Variants in HADHA observed in about 807,000 individuals in gnomAD.
HADHA encodes the protein trifunctional enzyme subunit alpha, mitochondrial.
Under a neutral mutation model 91.3 loss-of-function variants are expected in HADHA, and 59 were observed. That is an observed-to-expected ratio of 0.65 (90% CI 0.52 to 0.80). HADHA has a LOEUF of 0.80. Among genes scored for constraint, HADHA ranks in the 30% least tolerant of loss-of-function variants. The pLI, the probability that HADHA is intolerant of heterozygous loss-of-function variation, is 0.00. For synonymous variants in HADHA, 320 were observed against 338.9 expected (o/e 0.94, Z 0.61); for missense variants, 800 against 927.6 (o/e 0.86, Z 1.79).
intron 16 of HADHA, 135 bp from the exon 17 acceptor site, chr2:26,193,907 T>TCA: frequency 1.4e-6 from 1 of 693,802 alleles, no homozygotes; most frequent in Non-Finnish European, 2.5e-6. Context: ...CCAGGACTGG[T>TCA]GCTATTTCAT....
At position 26,230,979 on chromosome 2, in the gene HADHA, T is replaced by C. The variant is rs143306848; in HGVS notation, c.574-685A>G. 2.8e-3 allele frequency among the ~76,000 whole-genome samples: 427 copies of C among 152,142 alleles called. 3 individuals carry two copies. Among genetic ancestry groups the C allele is most frequent in the African/African-American group, 9.9e-3 (411 of 41,506 alleles). On this transcript the variant is annotated intron_variant, in intron 6 of 19. Transcript: ENST00000380649. ...CTAGAGAAGACTGTGAGAAACCTGATAGTTTTGACAAAGTCTTTAAAAAGA... is the reference window on the plus strand; with the variant it reads ...CTAGAGAAGACTGTGAGAAACCTGACAGTTTTGACAAAGTCTTTAAAAAGA...
At chr2:26,195,497 A>C (rs1669643246) in intron 14 of HADHA, among the ~76,000 whole-genome samples, 1 of 151,724 alleles carries the variant, frequency 6.6e-6, no homozygotes, top group Non-Finnish European at 1.5e-5. Context: ...TGCCAAAACC[A>C]CAGCTCGAGG....
At chr2:26,225,657 CT>C (rs1352640249) in intron 7 of HADHA, among the ~76,000 whole-genome samples, 1 of 152,124 alleles carries the variant, frequency 6.6e-6, no homozygotes, top group African/African-American at 2.4e-5. Flanking sequence ...ACAATTATCT[CT>C]GTAGATGGAG....
chr2:26,194,768 A>G, intron 15 of HADHA, 130 bp from the exon 16 acceptor site: 1 of 740,520 alleles, frequency 1.4e-6, no homozygotes, highest in African/African-American at 1.7e-5. Context: ...TTAAAATCTC[A>G]ATCAGAATCC....
rs1670086949 is a variant in HADHA, at chr2:26,210,989, CTTT to C, written c.976-1103_976-1101del. On this transcript the variant is annotated intron_variant, in intron 10 of 19. Transcript: ENST00000380649. The surrounding 1 kb of genome is among the most constrained non-coding windows in gnomAD (Gnocchi z 4.0). ...CAAAAGAATCCCTCTAATAAAGTTG[CTTT>C]CATGACCCAAAAGAACATAAAATGA... is the stretch of plus-strand genomic sequence containing the variant. Among the ~76,000 whole-genome samples the C allele has an allele frequency of 6.6e-6, 1 of 152,172 alleles. No individual in the cohort carries two copies. The highest frequency in any genetic ancestry group is 2.4e-5 in the African/African-American group (1 of 41,440).
chr2:26,232,674 T>C (rs1367826175), intron 5 of HADHA, among the ~76,000 whole-genome samples: 1 of 152,232 alleles, frequency 6.6e-6, no homozygotes, highest in African/African-American at 2.4e-5. Context: ...GAATTGTTTT[T>C]CCCTCCATAT....
chr2:26,201,186 A>C lies in HADHA; in HGVS notation c.1355T>G (p.Leu452Arg), dbSNP rs753085243. ...CTTTAGCACTCTGTGCTTAAGACTA[A>C]GGTCCTCAAACACAGCTTCAATCAC... ...DMVIEAVFED[L>R]SLKHRVLKEV... The change falls in exon 13 of 20, where the codon CTT becomes CGT. Residue 452 changes from leucine (L) to arginine (R), a missense_variant. Leu to Arg is a moderately radical substitution (Grantham distance 102). Transcript: ENST00000380649. The C allele has an allele frequency of 8.4e-5, 136 of 1,613,898 alleles. No homozygotes were observed. The highest frequency in any genetic ancestry group is 1.2e-4 in the Non-Finnish European group (136 of 1,179,732).
intron 6 of HADHA, among the ~76,000 whole-genome samples, chr2:26,230,766 C>T (rs1016618256): frequency 6.6e-6 from 1 of 151,736 alleles, no homozygotes; most frequent in Non-Finnish European, 1.5e-5. Context: ...ACTAAAAATA[C>T]AAAAAATTAG....
In HADHA at chr2:26,238,957, G is replaced by T. The variant is rs147103714; in HGVS notation, c.157C>A (p.Arg53=). 54 of 1,607,336 alleles carry T rather than the reference G, an allele frequency of 3.4e-5. No individual in the cohort carries two copies. The Middle Eastern group carries it at 5.8e-4, about 17-fold the overall frequency. ...YGVKGDVAVV[R]INSPNSKVNT... ...ACCTTTGAATTGGGAGAGTTAATTC[G>T]AACAACTGCCACATCCCCTTTGACT... The change falls in exon 3 of 20, where the codon CGA becomes AGA. Residue 53 remains arginine, a synonymous_variant. Transcript: ENST00000380649.
intron 5 of HADHA, 41 bp from the exon 6 acceptor site, chr2:26,232,320 A>G (rs1281757935): frequency 2.7e-6 from 4 of 1,488,870 alleles, no homozygotes; most frequent in Non-Finnish European, 1.9e-6. Flanking sequence ...TAGAAAATGT[A>G]ACTTAGTAGC....
Position 26,197,791 on chromosome 2 carries a change from G to A in HADHA, c.1393-14C>T. On this transcript the variant is annotated splice_polypyrimidine_tract_variant and intron_variant, in intron 13 of 19. Coordinates refer to ENST00000380649, the MANE Select transcript of HADHA (RefSeq NM_000182.5). ...ATCTGGAATCACCTGCAGGGGAAAA[G>A]CATTTAACAATGTGTCAGGTAGGCC... 1 of 1,305,364 alleles carries A rather than the reference G, an allele frequency of 7.7e-7. No homozygotes were observed. Among genetic ancestry groups the A allele is most frequent in the Non-Finnish European group, 1.1e-6 (1 of 897,672 alleles). 80.9% of individuals were successfully genotyped at this position (1,305,364 alleles called of 1,614,324 possible).
Position 26,227,814 on chromosome 2 carries a change from A to AT in HADHA, c.676+2377dup, listed in dbSNP as rs919436881. Among the ~76,000 whole-genome samples, 42 of 147,150 alleles carry AT rather than the reference A, an allele frequency of 2.9e-4. 1 individual carries two copies. Among genetic ancestry groups the AT allele is most frequent in the South Asian group, 1.1e-3 (5 of 4,574 alleles). ...GCAAGACTCAAAGTCTCATCTCTAA[A>AT]TTTTTTTTTTTTCTTCCCAGAGATA... On this transcript the variant is annotated intron_variant, in intron 7 of 19. Transcript: ENST00000380649.
chr2:26,208,591 A>T (rs1475300375), intron 11 of HADHA, among the ~76,000 whole-genome samples: 2 of 152,148 alleles, frequency 1.3e-5, no homozygotes, highest in East Asian at 3.8e-4. Flanking sequence ...ATTTTGCAGG[A>T]TGCTTCTCTG....
At position 26,214,670 on chromosome 2, in the gene HADHA, C is replaced by A. The variant is rs182119930; in HGVS notation, c.800-109G>T. 1.8e-4 allele frequency: 128 copies of A among 727,278 alleles called. 2 individuals are homozygous for A. In the East Asian group the frequency reaches 2.2e-3, roughly 13 times the overall value. 45.1% of individuals were successfully genotyped at this position (727,278 alleles called of 1,614,324 possible). A position where few individuals can be genotyped will look rare whatever the true frequency, so the allele number is the denominator to read the frequency against. ...AAGTAATTCTAGCTATCTGCAAGAA[C>A]TGCTCTTTATTCTGATACACACAAT... is the stretch of plus-strand genomic sequence containing the variant. On this transcript the variant is annotated intron_variant, in intron 8 of 19. Transcript: ENST00000380649. The surrounding 1 kb of genome is among the most constrained non-coding windows in gnomAD (Gnocchi z 4.1).
chr2:26,244,494 G>T (rs1574631728), intron 1 of HADHA, 36 bp downstream of exon 1: 1 of 1,553,014 alleles, frequency 6.4e-7, no homozygotes, highest in East Asian at 2.4e-5. Context: ...CAGGAGTTCT[G>T]CCCGGAGGTC....
intron 1 of HADHA, among the ~76,000 whole-genome samples, chr2:26,242,731 C>A (rs776766016): frequency 6.6e-6 from 1 of 152,216 alleles, no homozygotes; most frequent in Admixed American, 6.5e-5. Context: ...CAGGTCCAAA[C>A]CCAGAAGTCA....
chr2:26,195,738 C>T (rs1186747177), intron 14 of HADHA, among the ~76,000 whole-genome samples: 1 of 152,220 alleles, frequency 6.6e-6, no homozygotes, highest in Non-Finnish European at 1.5e-5. Flanking sequence ...ACTCATTAAA[C>T]CAGCAGTTCT....
chr2:26,194,838 A>G (rs1398922148), intron 15 of HADHA, among the ~76,000 whole-genome samples, 200 bp from the exon 16 acceptor site: 1 of 152,024 alleles, frequency 6.6e-6, no homozygotes, highest in East Asian at 1.9e-4. Flanking sequence ...ATCAAACAGT[A>G]CAGCAGATAG....
rs138966725 is a variant in HADHA, at chr2:26,191,498, G to T, written c.2131C>A (p.Pro711Thr). The T allele has an allele frequency of 4.9e-4, 788 of 1,614,060 alleles. No homozygotes were observed. Among genetic ancestry groups the T allele is most frequent in the Non-Finnish European group, 6.3e-4 (743 of 1,180,054 alleles). The change falls in exon 19 of 20, where the codon CCG (proline) becomes ACG (threonine). Residue 711 changes from proline to threonine, a missense_variant. Physicochemically the swap from Pro to Thr is conservative, Grantham distance 38 (BLOSUM62 -1). Transcript: ENST00000380649. ...DIGAVFGLGF[P>T]PCLGGPFRFV... ...CGAGACCAACCTCCCAGACAAGGCGGGAAGCCAAGCCCAAAGACGGCTCCG... is the reference window on the plus strand; with the variant it reads ...CGAGACCAACCTCCCAGACAAGGCGTGAAGCCAAGCCCAAAGACGGCTCCG...
Sources: gnomAD v4.1 joint callset for allele counts (sites outside exome capture counted in the v4.1 genomes callset) on GRCh38, gnomAD v4.1.1 for gene constraint, Gnocchi (gnomAD v3.1) non-coding constraint, MANE v1.5 for transcripts, NCBI Gene and HGNC (gene_info 2026-07-23, HGNC 2026-07-21) for gene names.